The following CHL1 variants were observed in gnomAD, a reference collection of about 807,000 sequenced individuals.
CHL1 encodes cell adhesion molecule L1 like, also known as neural cell adhesion molecule L1-like protein.
CHL1 carries 96 observed loss-of-function variants against 141.9 expected under a neutral mutation model. The ratio of observed to expected loss-of-function variants is 0.68; its 90% CI spans 0.57 to 0.80. The LOEUF is 0.80. Among genes scored for constraint, CHL1 ranks in the 30% least tolerant of loss-of-function variants. The pLI, the probability that CHL1 is intolerant of heterozygous loss-of-function variation, is 0.00. For synonymous variants in CHL1, 613 were observed against 502.2 expected (o/e 1.22, Z -2.95); for missense variants, 1,820 against 1,457.2 (o/e 1.25, Z -4.05).
chr3:202,217 A>G (rs1465526941), intron 1 of CHL1, among the ~76,000 whole-genome samples: 2 of 152,208 alleles, frequency 1.3e-5, no homozygotes, highest in African/African-American at 4.8e-5. Context: ...GGGGCAATCT[A>G]TGCAGACAGA....
At chr3:260,263 C>CAAATAAATAAATAAATAAATAAAT (rs58225264) in intron 2 of CHL1, among the ~76,000 whole-genome samples, 14 of 151,462 alleles carry the variant, frequency 9.2e-5, no homozygotes, top group African/African-American at 2.7e-4. Flanking sequence ...AACTCTGTCT[C>CAAATAAATAAATAAATAAATAAAT]AAATAAATAA....
rs143303898 is a variant in CHL1, at chr3:349,234, C to T, written c.849-125C>T. ...TGTGTCTGTCCACTGGTAAGGATGACGTGATTCAGTGGAATATGAGCACAT... is the reference window on the plus strand; with the variant it reads ...TGTGTCTGTCCACTGGTAAGGATGATGTGATTCAGTGGAATATGAGCACAT... On this transcript the variant is annotated intron_variant, in intron 9 of 27. Transcript: ENST00000256509. The T allele has an allele frequency of 3.0e-4, 225 of 746,356 alleles. No individual in the cohort carries two copies. In the East Asian group the frequency reaches 5.2e-3, roughly 17 times the overall value. 46.2% of individuals were successfully genotyped at this position (746,356 alleles called of 1,614,324 possible).
intron 1 of CHL1, among the ~76,000 whole-genome samples, chr3:243,935 T>C (rs1178933959): frequency 3.9e-5 from 6 of 152,332 alleles, no homozygotes; most frequent in African/African-American, 1.4e-4. Flanking sequence ...AGCATGTTCA[T>C]GGGATGGCAT....
intron 2 of CHL1, among the ~76,000 whole-genome samples, chr3:288,324 C>T (rs1330126331): frequency 6.8e-6 from 1 of 146,578 alleles, no homozygotes; most frequent in Non-Finnish European, 1.5e-5. Context: ...TTTTAGGTGA[C>T]AAACACATGT....
chr3:389,880 GC>G (rs1036318784), intron 20 of CHL1, among the ~76,000 whole-genome samples: 1 of 152,114 alleles, frequency 6.6e-6, no homozygotes, highest in African/African-American at 2.4e-5. Flanking sequence ...CATGTCTGGA[GC>G]TTTCCTAATA....
chr3:318,863 T>A (rs2125029946), intron 2 of CHL1, among the ~76,000 whole-genome samples: 1 of 151,744 alleles, frequency 6.6e-6, no homozygotes, highest in East Asian at 1.9e-4. Flanking sequence ...AATAGATATC[T>A]AATATGAGGA....
intron 1 of CHL1, among the ~76,000 whole-genome samples, chr3:210,893 C>G (rs1699851666): frequency 6.6e-6 from 1 of 152,118 alleles, no homozygotes; most frequent in South Asian, 2.1e-4. Context: ...GCTGAAGTGC[C>G]CTGGTTTTGT....
intron 2 of CHL1, among the ~76,000 whole-genome samples, chr3:284,839 C>T (rs559645797): frequency 6.6e-6 from 1 of 151,908 alleles, no homozygotes; most frequent in East Asian, 1.9e-4. Context: ...TTATATATAG[C>T]TGTGCTATGA....
At chr3:325,911 G>C in intron 3 of CHL1, 48 bp from the exon 4 acceptor site, 1 of 1,277,618 alleles carries the variant, frequency 7.8e-7, no homozygotes, top group Non-Finnish European at 1.1e-6. Context: ...GATTAACCTT[G>C]CCTGCTGTTT....
chr3:225,888 A>G (rs567035276), intron 1 of CHL1, among the ~76,000 whole-genome samples: 7 of 151,900 alleles, frequency 4.6e-5, no homozygotes, highest in Non-Finnish European at 1.0e-4. Context: ...AGGCACCTGT[A>G]GTCCCAGCTA....
intron 20 of CHL1, among the ~76,000 whole-genome samples, chr3:389,979 GGAA>G (rs1306908663): frequency 1.3e-5 from 2 of 151,992 alleles, no homozygotes; most frequent in African/African-American, 4.8e-5. Context: ...ATAGGTTATT[GGAA>G]GAAGAAAAAA....
intron 2 of CHL1, among the ~76,000 whole-genome samples, chr3:292,064 A>G (rs1348796044): frequency 6.6e-6 from 1 of 152,222 alleles, no homozygotes; most frequent in Non-Finnish European, 1.5e-5. Context: ...AGTGTTAGAA[A>G]CCGCCTATTA....
In CHL1 at chr3:406,681, A is replaced by T. The variant is rs1709552957; in HGVS notation, c.*970A>T. ...TTGAAGTGAGAAAATGAACATTAAC[A>T]GGCATGTTTGTACAGCTAGAATATA... On this transcript the variant is annotated 3_prime_UTR_variant, in exon 28 of 28. Coordinates refer to ENST00000256509, the MANE Select transcript of CHL1 (RefSeq NM_006614.4). 1 of 152,138 alleles carries T rather than the reference A, an allele frequency of 6.6e-6. No individual in the cohort carries two copies. The highest frequency in any genetic ancestry group is 2.4e-5 in the African/African-American group (1 of 41,452). 9.4% of individuals were successfully genotyped at this position (152,138 alleles called of 1,614,324 possible).
At chr3:396,806 G>A (rs1014442993) in intron 24 of CHL1, among the ~76,000 whole-genome samples, 4 of 151,746 alleles carry the variant, frequency 2.6e-5, no homozygotes, top group Non-Finnish European at 4.4e-5. Flanking sequence ...TAAGTACAGG[G>A]AAAAAAATTA....
chr3:287,762 G>A (rs191362), intron 2 of CHL1, among the ~76,000 whole-genome samples: 85,410 of 151,248 alleles, frequency 0.56, 27,194 homozygotes, highest in African/African-American at 0.87. Context: ...CTCCACTGGT[G>A]TCTTTTTTTG....
Position 382,354 on chromosome 3 carries a change from C to T in CHL1, c.1978+74C>T, listed in dbSNP as rs563852408. The T allele has an allele frequency of 1.3e-3, 1,917 of 1,472,414 alleles. 4 individuals are homozygous for T. Among genetic ancestry groups the T allele is most frequent in the Non-Finnish European group, 1.6e-3 (1,739 of 1,056,756 alleles). 91.2% of individuals were successfully genotyped at this position (1,472,414 alleles called of 1,614,324 possible). On this transcript the variant is annotated intron_variant, in intron 17 of 27. Transcript: ENST00000256509. ...TAATAGCGAAGTCACTTTTTAACCACTCTTACTGGTTTATTCTTCTTATAA... is the reference window on the plus strand; with the variant it reads ...TAATAGCGAAGTCACTTTTTAACCATTCTTACTGGTTTATTCTTCTTATAA...
intron 24 of CHL1, among the ~76,000 whole-genome samples, chr3:395,552 G>T (rs1319440500): frequency 6.6e-6 from 1 of 152,210 alleles, no homozygotes; most frequent in Non-Finnish European, 1.5e-5. Context: ...CAGGTCAGAG[G>T]AACTGATGTA....
Position 328,426 on chromosome 3 carries a change from C to G in CHL1, c.385+72C>G, listed in dbSNP as rs17027869. The G allele has an allele frequency of 8.9e-4, 1,114 of 1,250,324 alleles. 11 individuals are homozygous for G. In the African/African-American group the frequency reaches 0.016, roughly 18 times the overall value. The allele number at this position is 1,250,324 out of a possible 1,614,324, so 77.5% of individuals were successfully genotyped here. ...TGTTAAATAGGAGTTAGATTGGGTTCCAATGAAATAAAGCAGTTATTAACT... is the reference window on the plus strand; with the variant it reads ...TGTTAAATAGGAGTTAGATTGGGTTGCAATGAAATAAAGCAGTTATTAACT... On this transcript the variant is annotated intron_variant, in intron 5 of 27. Transcript: ENST00000256509.
chr3:398,413 G>C, intron 25 of CHL1, 28 bp downstream of exon 25: 1 of 1,486,686 alleles, frequency 6.7e-7, no homozygotes, highest in Non-Finnish European at 9.4e-7. Flanking sequence ...ATTTGGGGAA[G>C]TCTTAGTCAA....
Sources: gnomAD v4.1 joint callset for allele counts (sites outside exome capture counted in the v4.1 genomes callset) on GRCh38, gnomAD v4.1.1 for gene constraint, MANE v1.5 for transcripts, NCBI Gene and HGNC (gene_info 2026-07-23, HGNC 2026-07-21) for gene names.